The following LPP variants were observed in gnomAD, a reference collection of about 807,000 sequenced individuals.
LPP encodes the protein lipoma-preferred partner.
Under a neutral mutation model 60.4 loss-of-function variants are expected in LPP, and 38 were observed. The observed-to-expected ratio is 0.63, with a 90% CI of 0.49 to 0.83. LPP has a LOEUF of 0.83. Ranked by LOEUF, LPP falls within the 40% of genes least tolerant of loss-of-function variation. The pLI, the probability that LPP is intolerant of heterozygous loss-of-function variation, is 0.00. For missense variants in LPP, 902 were observed against 783.6 expected (o/e 1.15, Z -1.80); for synonymous variants, 328 against 290.8 (o/e 1.13, Z -1.30).
chr3:188,702,400 A>G (rs760975358), intron 7 of LPP, among the ~76,000 whole-genome samples: 3 of 142,478 alleles, frequency 2.1e-5, no homozygotes, highest in Non-Finnish European at 4.5e-5. Flanking sequence ...ACTACAGGTC[A>G]TCTTTTTTTG....
intron 9 of LPP, among the ~76,000 whole-genome samples, chr3:188,832,905 C>A (rs1479981515): frequency 6.6e-6 from 1 of 152,162 alleles, no homozygotes; most frequent in Non-Finnish European, 1.5e-5. Context: ...TGCAAGTCTG[C>A]CTCCTTCATG....
chr3:188,460,034 C>T (rs1798644246), intron 4 of LPP, among the ~76,000 whole-genome samples: 1 of 152,180 alleles, frequency 6.6e-6, no homozygotes, highest in Non-Finnish European at 1.5e-5. Context: ...ATTTTGCACA[C>T]TGAGTAAATT....
intron 6 of LPP, among the ~76,000 whole-genome samples, chr3:188,590,367 G>A (rs1838414243): frequency 6.6e-6 from 1 of 152,142 alleles, no homozygotes; most frequent in Non-Finnish European, 1.5e-5. Context: ...GAGGTCAGGA[G>A]TTTGCGACCA....
intron 5 of LPP, among the ~76,000 whole-genome samples, chr3:188,492,636 C>T (rs1271439512): frequency 6.6e-6 from 1 of 152,122 alleles, no homozygotes; most frequent in East Asian, 1.9e-4. Flanking sequence ...ACAGAGGCTG[C>T]AGTGAGCCGA....
At chr3:188,250,785 T>C in intron 2 of LPP, among the ~76,000 whole-genome samples, 1 of 84,022 alleles carries the variant, frequency 1.2e-5, no homozygotes, top group Non-Finnish European at 2.4e-5. Context: ...TTTCTTTCTT[T>C]CTGTCTTTCT....
At chr3:188,178,963 T>A in intron 1 of LPP, 1 of 237,488 alleles carries the variant, frequency 4.2e-6, no homozygotes, top group Non-Finnish European at 8.3e-6. Context: ...AGGTGGGGAG[T>A]GGGAGAGAGA....
chr3:188,636,225 G>A (rs902122455), intron 7 of LPP, among the ~76,000 whole-genome samples: 5 of 152,326 alleles, frequency 3.3e-5, no homozygotes, highest in East Asian at 1.9e-4. Flanking sequence ...GAAGCAGGGC[G>A]AGGCATTGCC....
intron 2 of LPP, among the ~76,000 whole-genome samples, chr3:188,255,517 C>G (rs929026088): frequency 6.6e-6 from 1 of 152,134 alleles, no homozygotes; most frequent in Admixed American, 6.6e-5. Context: ...CTTTCCTGAC[C>G]TCCTCCACAC....
intron 2 of LPP, among the ~76,000 whole-genome samples, chr3:188,299,138 A>G (rs1748900173): frequency 6.6e-6 from 1 of 152,200 alleles, no homozygotes; most frequent in Admixed American, 6.5e-5. Context: ...GGGCTGAGCT[A>G]GAAGGGAGGC....
At chr3:188,247,496 A>C (rs1189801818) in intron 2 of LPP, among the ~76,000 whole-genome samples, 1 of 152,090 alleles carries the variant, frequency 6.6e-6, no homozygotes, top group East Asian at 1.9e-4. Context: ...AATTGAGCAA[A>C]AGTGAGAGAT....
intron 5 of LPP, among the ~76,000 whole-genome samples, chr3:188,495,212 T>TA (rs1424754062): frequency 9.9e-5 from 14 of 141,280 alleles, no homozygotes; most frequent in East Asian, 8.0e-4. Context: ...TATATATATA[T>TA]TTTTTTTTGC....
At chr3:188,286,440 C>T (rs543760332) in intron 2 of LPP, among the ~76,000 whole-genome samples, 2 of 152,316 alleles carry the variant, frequency 1.3e-5, no homozygotes, top group South Asian at 2.1e-4. Flanking sequence ...AACCCACTTA[C>T]TCTAGGTGGA....
chr3:188,466,836 T>TATGC (rs1800574894), intron 4 of LPP, among the ~76,000 whole-genome samples: 1 of 134,528 alleles, frequency 7.4e-6, no homozygotes, highest in Non-Finnish European at 1.6e-5. Flanking sequence ...TATATATATA[T>TATGC]ATATATGCTG....
At chr3:188,692,396 A>G (rs1252239024) in intron 7 of LPP, among the ~76,000 whole-genome samples, 3 of 152,234 alleles carry the variant, frequency 2.0e-5, no homozygotes, top group Non-Finnish European at 4.4e-5. Flanking sequence ...TTGAAAGGAA[A>G]CATGCTAACT....
intron 6 of LPP, among the ~76,000 whole-genome samples, chr3:188,593,954 A>T (rs1839480450): frequency 1.3e-5 from 2 of 152,170 alleles, no homozygotes; most frequent in Non-Finnish European, 2.9e-5. Context: ...CTCTGGGTAG[A>T]TACCCAGTAG....
chr3:188,235,094 C>T (rs1721409810), intron 2 of LPP, among the ~76,000 whole-genome samples: 1 of 152,084 alleles, frequency 6.6e-6, no homozygotes, highest in South Asian at 2.1e-4. Flanking sequence ...AAACTTGAAC[C>T]CTAGAGGAAT....
intron 8 of LPP, among the ~76,000 whole-genome samples, chr3:188,747,260 T>C (rs992197826): frequency 1.3e-5 from 2 of 152,206 alleles, no homozygotes; most frequent in Admixed American, 1.3e-4. Context: ...CTCTTACAGG[T>C]AGAAATATGA....
At chr3:188,327,380 A>G (rs1758717514) in intron 2 of LPP, among the ~76,000 whole-genome samples, 1 of 152,206 alleles carries the variant, frequency 6.6e-6, no homozygotes. Flanking sequence ...TGGAGTGTTT[A>G]CTACATGCTA....
At position 188,778,536 on chromosome 3, in the gene LPP, C is replaced by G. The variant is rs549112522; in HGVS notation, c.1410+18254C>G. Among the ~76,000 whole-genome samples the G allele has an allele frequency of 9.4e-4, 143 of 152,228 alleles. 2 individuals carry two copies. Among genetic ancestry groups the G allele is most frequent in the African/African-American group, 3.3e-3 (139 of 41,528 alleles). ...TAGATAGGATCTCATTATAAAGATT[C>G]TAGGTAAACAGTCTTTCTAGCAGAA... On this transcript the variant is annotated intron_variant, in intron 9 of 11. Coordinates refer to ENST00000617246, the MANE Select transcript of LPP (RefSeq NM_001375462.1).
Sources: allele counts gnomAD v4.1 joint callset (sites outside exome capture counted in the v4.1 genomes callset), GRCh38; gene constraint gnomAD v4.1.1; transcripts MANE v1.5; gene names NCBI Gene and HGNC (gene_info 2026-07-23, HGNC 2026-07-21).